PRKDC: variants seen among roughly 807,000 people sequenced by gnomAD.
PRKDC encodes DNA-dependent protein kinase catalytic subunit.
PRKDC carries 82 observed loss-of-function variants against 486.9 expected under a neutral mutation model. That is an observed-to-expected ratio of 0.17 (90% CI 0.14 to 0.20). PRKDC has a LOEUF of 0.20. Ranked by LOEUF, PRKDC falls within the 10% of genes least tolerant of loss-of-function variation. PRKDC has a pLI of 1.00. For missense variants in PRKDC, 4,504 were observed against 5,038.2 expected, an observed-to-expected ratio of 0.89 and a Z score of 3.21; for synonymous variants, 1,895 against 1,837.0, an observed-to-expected ratio of 1.03 and a Z score of -0.81.
At chr8:47,787,094 C>A (rs2086804337) in intron 76 of PRKDC, among the ~76,000 whole-genome samples, 1 of 152,100 alleles carries the variant, frequency 6.6e-6, no homozygotes, top group Non-Finnish European at 1.5e-5. Context: ...TATCTCTTTG[C>A]ATTAGCTTCT....
chr8:47,783,439 A>C (rs1270693099), intron 78 of PRKDC, among the ~76,000 whole-genome samples: 2 of 151,854 alleles, frequency 1.3e-5, no homozygotes, highest in Non-Finnish European at 1.5e-5. Flanking sequence ...AATTCAAAAA[A>C]CAGAGCTGGG....
Position 47,778,719 on chromosome 8 carries a change from G to A in PRKDC, c.11651+9C>T, listed in dbSNP as rs2086650242. The A allele has an allele frequency of 6.2e-7, 1 of 1,613,454 alleles. No individual in the cohort carries two copies. The highest frequency in any genetic ancestry group is 1.7e-5 in the Admixed American group (1 of 59,934). ...ATCCCACTAAGGGTGAGGGCAGAAGGGTACTTACTTTAAGAGATCAGCAGG... is the reference window on the plus strand; with the variant it reads ...ATCCCACTAAGGGTGAGGGCAGAAGAGTACTTACTTTAAGAGATCAGCAGG... On this transcript the variant is annotated intron_variant, in intron 82 of 85. Coordinates refer to ENST00000314191, the MANE Select transcript of PRKDC (RefSeq NM_006904.7).
chr8:47,936,041 A>C, intron 12 of PRKDC, 141 bp from the exon 13 acceptor site: 2 of 889,486 alleles, frequency 2.2e-6, no homozygotes, highest in East Asian at 5.4e-5. Flanking sequence ...CTGCTGCTTA[A>C]CATGTATTAC....
In PRKDC at chr8:47,773,387, C is replaced by T; in HGVS notation, c.*786G>A. 1 of 215,254 alleles carries T rather than the reference C, an allele frequency of 4.6e-6. No individual in the cohort carries two copies. Among genetic ancestry groups the T allele is most frequent in the Non-Finnish European group, 9.4e-6 (1 of 106,700 alleles). The allele number at this position is 215,254 out of a possible 1,614,324, so 13.3% of individuals were successfully genotyped here. A position where few individuals can be genotyped will look rare whatever the true frequency, so the allele number is the denominator to read the frequency against. On this transcript the variant is annotated 3_prime_UTR_variant, in exon 86 of 86. Transcript: ENST00000314191. ...TCAAATAGGAATTTCTTTTATTCTC[C>T]TGGAACTGAAATGCTTAGTACTATC...
intron 21 of PRKDC, chr8:47,926,820 A>C (rs1373834664): frequency 1.3e-5 from 2 of 157,958 alleles, no homozygotes; most frequent in Non-Finnish European, 2.8e-5. Context: ...AGTGAAAGTA[A>C]AAATACAAAA....
At position 47,879,490 on chromosome 8, in the gene PRKDC, C is replaced by T. The variant is rs2089162310; in HGVS notation, c.5235+1G>A. ...TTTACTTGATACTACTAGAAACTAACCTTTTTCATGCAGTCCACATAATTA... is the reference window on the plus strand; with the variant it reads ...TTTACTTGATACTACTAGAAACTAATCTTTTTCATGCAGTCCACATAATTA... On this transcript the variant is annotated splice_donor_variant, in intron 39 of 85. Transcript: ENST00000314191. LOFTEE classifies it high-confidence loss of function. 6.4e-7 allele frequency: 1 copy of T among 1,563,174 alleles called. No homozygotes were observed. Among genetic ancestry groups the T allele is most frequent in the Non-Finnish European group, 8.7e-7 (1 of 1,153,290 alleles).
chr8:47,777,627 C>G, intron 84 of PRKDC, 59 bp downstream of exon 84: 1 of 1,466,648 alleles, frequency 6.8e-7, no homozygotes, highest in South Asian at 1.4e-5. Flanking sequence ...CGAGAGATAC[C>G]AGCTTGATCA....
intron 63 of PRKDC, among the ~76,000 whole-genome samples, chr8:47,824,623 A>C (rs368302141): frequency 6.6e-6 from 1 of 152,212 alleles, no homozygotes. Flanking sequence ...CAAAAAACCC[A>C]GAAGCAAAAG....
intron 61 of PRKDC, among the ~76,000 whole-genome samples, chr8:47,830,236 T>C (rs1166834275): frequency 1.3e-5 from 2 of 152,214 alleles, no homozygotes; most frequent in Admixed American, 1.3e-4. Context: ...CCTGCTGTTT[T>C]TATGTAACAC....
intron 19 of PRKDC, 118 bp downstream of exon 19, chr8:47,928,974 G>T (rs1278677022): frequency 1.2e-6 from 1 of 824,674 alleles, no homozygotes; most frequent in Admixed American, 2.5e-5. Flanking sequence ...AAGGGCATGA[G>T]CCACCGCACC....
intron 10 of PRKDC, 97 bp downstream of exon 10, chr8:47,943,112 T>C (rs368608328): frequency 1.4e-6 from 2 of 1,381,110 alleles, no homozygotes; most frequent in South Asian, 2.9e-5. Context: ...AAGCTACAGA[T>C]CAACTTGTAT....
chr8:47,797,476 C>T (rs1157844207), intron 73 of PRKDC, among the ~76,000 whole-genome samples: 4 of 152,136 alleles, frequency 2.6e-5, no homozygotes, highest in Non-Finnish European at 5.9e-5. Context: ...GTCCCCGCAG[C>T]CCAGAGATCA....
In PRKDC at chr8:47,839,270, T is replaced by G. The variant is rs750381766; in HGVS notation, c.7455-24A>C. 36 of 1,522,414 alleles carry G rather than the reference T, an allele frequency of 2.4e-5. No individual in the cohort carries two copies. The South Asian group carries it at 3.8e-4, about 16-fold the overall frequency. 94.3% of individuals were successfully genotyped at this position (1,522,414 alleles called of 1,614,324 possible). A position where few individuals can be genotyped will look rare whatever the true frequency, so the allele number is the denominator to read the frequency against. ...CTCTGCTTGAGAAAACAGCAAAATG[T>G]CACAACATTAATGCTCTCTTCTGGC... On this transcript the variant is annotated intron_variant, in intron 55 of 85. Coordinates refer to ENST00000314191, the MANE Select transcript of PRKDC (RefSeq NM_006904.7).
chr8:47,935,477 G>A (rs1344231945), intron 13 of PRKDC, among the ~76,000 whole-genome samples: 1 of 151,626 alleles, frequency 6.6e-6, no homozygotes, highest in African/African-American at 2.4e-5. Flanking sequence ...TCCAGCCTGG[G>A]GGACAGAGCG....
At position 47,904,947 on chromosome 8, in the gene PRKDC, A is replaced by G; in HGVS notation, c.2964T>C (p.Val988=). 6.2e-7 allele frequency: 1 copy of G among 1,613,730 alleles called. No individual in the cohort carries two copies. Residue 988 remains valine (V), a synonymous_variant, in exon 26 of 86, where the codon GTT becomes GTC. Coordinates refer to ENST00000314191, the MANE Select transcript of PRKDC (RefSeq NM_006904.7). ...TAGTGAACCAGTGAATCAGCTGCAT[A>G]ACTAGTGGCTCATACAGTTGCCTTG... ...QVTRQLYEPL[V]MQLIHWFTNN... is the part of the protein sequence containing the mutation.
chr8:47,915,461 TAA>T, intron 22 of PRKDC, 43 bp from the exon 23 acceptor site: 1 of 1,182,934 alleles, frequency 8.5e-7, no homozygotes, highest in Non-Finnish European at 1.2e-6. Flanking sequence ...ACAAATGGGT[TAA>T]AGATTAAATA....
chr8:47,926,647 C>T (rs1028696873), intron 21 of PRKDC, among the ~76,000 whole-genome samples: 1 of 152,128 alleles, frequency 6.6e-6, no homozygotes, highest in African/African-American at 2.4e-5. Flanking sequence ...CTCTGAAGTC[C>T]TACTTTTTCT....
intron 44 of PRKDC, among the ~76,000 whole-genome samples, 154 bp from the exon 45 acceptor site, chr8:47,861,125 TA>T (rs1169909561): frequency 6.6e-6 from 1 of 152,124 alleles, no homozygotes; most frequent in Non-Finnish European, 1.5e-5. Flanking sequence ...AAAAAGAGAC[TA>T]GTGAGTGTCC....
At position 47,836,343 on chromosome 8, in the gene PRKDC, G is replaced by A; in HGVS notation, c.7946C>T (p.Thr2649Ile). The A allele has an allele frequency of 6.3e-7, 1 of 1,584,614 alleles. No individual in the cohort carries two copies. Among genetic ancestry groups the A allele is most frequent in the Non-Finnish European group, 8.6e-7 (1 of 1,162,918 alleles). ...GCGGGCAGGGTCACTGTTACCTGCA[G>A]TCTGTGTCAGTGTGAAGTCATGCTG... ...QQQHDFTLTQ[T>I]ADGRSSFDWL... The change falls in exon 58 of 86, where the codon ACT becomes ATT. Residue 2649 changes from threonine (T) to isoleucine (I), a missense_variant. Coordinates refer to ENST00000314191, the MANE Select transcript of PRKDC (RefSeq NM_006904.7).
Sources: gnomAD v4.1 joint callset for allele counts (sites outside exome capture counted in the v4.1 genomes callset) on GRCh38, gnomAD v4.1.1 for gene constraint, MANE v1.5 for transcripts, NCBI Gene and HGNC (gene_info 2026-07-23, HGNC 2026-07-21) for gene names.